Variants in AFF1 observed in about 807,000 individuals in gnomAD.
AFF1 encodes the protein ALF transcription elongation factor 1.
In AFF1, 48 loss-of-function variants were observed where a neutral mutation model predicts 121.7. That is an observed-to-expected ratio of 0.39 (90% CI 0.31 to 0.50). The LOEUF is 0.50. AFF1 is among the 20% of genes least tolerant of loss of function. AFF1 has a pLI of 0.76. For synonymous variants in AFF1, 613 were observed against 563.0 expected (o/e 1.09, Z -1.26); for missense variants, 1,523 against 1,511.7 (o/e 1.01, Z -0.12).
At chr4:86,976,713 A>G (rs867410480) in intron 2 of AFF1, among the ~76,000 whole-genome samples, 1 of 152,188 alleles carries the variant, frequency 6.6e-6, no homozygotes, top group Admixed American at 6.5e-5. Context: ...ACAACATGCA[A>G]TTTACCTGTA....
At chr4:87,014,661 A>G (rs145375501) in intron 2 of AFF1, among the ~76,000 whole-genome samples, 1 of 152,340 alleles carries the variant, frequency 6.6e-6, no homozygotes, top group Non-Finnish European at 1.5e-5. Context: ...TATGTTATAC[A>G]GTGTAATTAA....
Position 87,108,333 on chromosome 4 carries a change from G to T in AFF1, c.1533+18G>T. 6.2e-7 allele frequency: 1 copy of T among 1,609,186 alleles called. No homozygotes were observed. The highest frequency in any genetic ancestry group is 1.1e-5 in the South Asian group (1 of 90,868). ...CTCCGGAGGTACCGTGTTCCCCCTC[G>T]AGATGGCCACCTTAGATGGCAGCAT... On this transcript the variant is annotated intron_variant, in intron 11 of 20. Transcript: ENST00000395146.
rs746833682 is a variant in AFF1, at chr4:87,126,212, C to T, written c.2687C>T (p.Ala896Val). The T allele has an allele frequency of 6.2e-7, 1 of 1,614,132 alleles. No individual in the cohort carries two copies. The highest frequency in any genetic ancestry group is 8.5e-7 in the Non-Finnish European group (1 of 1,180,028). ...GCACTTAAGAGGTCAAGGCGGGAAG[C>T]AGACACCTGTGGCCAGGACCCTCCC... is the stretch of plus-strand genomic sequence containing the variant. Reference protein sequence around the residue: ...KPALKRSRREADTCGQDPPKS... With the variant: ...KPALKRSRREVDTCGQDPPKS... The change falls in exon 14 of 21, where the codon GCA (alanine) becomes GTA (valine). Residue 896 changes from alanine to valine, a missense_variant. Around this residue, in one of 5 missense-constraint regions of AFF1, gnomAD observed 905 missense variants for 842.5 expected, o/e 1.07. Coordinates refer to ENST00000395146, the MANE Select transcript of AFF1 (RefSeq NM_001166693.3).
At chr4:87,064,295 C>A (rs1169776587) in intron 4 of AFF1, among the ~76,000 whole-genome samples, 4 of 152,174 alleles carry the variant, frequency 2.6e-5, no homozygotes, top group Non-Finnish European at 5.9e-5. Flanking sequence ...TTCATGGAAT[C>A]TCTGAAGGTT....
Position 86,969,586 on chromosome 4 carries a change from AAAGGGT to A in AFF1, c.38+21019_38+21024del, listed in dbSNP as rs1246414668. On this transcript the variant is annotated intron_variant, in intron 2 of 20. Transcript: ENST00000395146. Reference sequence around the variant, plus strand: ...GAAATGAAATAGTTGTTAAAAAAAAAAAGGGTAAGATAGGCCCGGCGTGGTGGCTCA... The same window carrying A: ...GAAATGAAATAGTTGTTAAAAAAAAAAAGATAGGCCCGGCGTGGTGGCTCA... Among the ~76,000 whole-genome samples, 6 of 147,260 alleles carry A rather than the reference AAAGGGT, an allele frequency of 4.1e-5. No individual in the cohort carries two copies. The East Asian group carries it at 1.2e-3, about 31-fold the overall frequency.
Position 87,131,796 on chromosome 4 carries a change from C to T in AFF1, c.3105C>T (p.Phe1035=), listed in dbSNP as rs985203868. The change falls in exon 18 of 21, where the codon TTC becomes TTT. Residue 1035 remains phenylalanine, a synonymous_variant. Coordinates refer to ENST00000395146, the MANE Select transcript of AFF1 (RefSeq NM_001166693.3). The part of the protein sequence containing the change: ...VYSETVDLIK[F]IMSLKSFSDA... ...GTACTTTTATATTTTCCTATAGATTCATAATGTCATTAAAATCCTTCTCAG... is the reference window on the plus strand; with the variant it reads ...GTACTTTTATATTTTCCTATAGATTTATAATGTCATTAAAATCCTTCTCAG... The T allele has an allele frequency of 6.3e-7, 1 of 1,594,900 alleles. No homozygotes were observed. The highest frequency in any genetic ancestry group is 1.1e-5 in the South Asian group (1 of 87,022).
chr4:87,021,066 C>T (rs933954010), intron 2 of AFF1, among the ~76,000 whole-genome samples: 3 of 152,228 alleles, frequency 2.0e-5, no homozygotes, highest in Middle Eastern at 3.4e-3. Flanking sequence ...CCTTTGTATG[C>T]GTTTTAATAT....
rs561838438 is a variant in AFF1 at position 87,037,827 on chromosome 4, C to T, written c.39-8339C>T. On this transcript the variant is annotated intron_variant, in intron 2 of 20. Transcript: ENST00000395146. The stretch of plus-strand genomic sequence containing the variant: ...TAAGATATGCAAAATATCTTACTGG[C>T]TCTGAGTCCTGGAGAGTGTTTATGA... Among the ~76,000 whole-genome samples, 6 of 152,150 alleles carry T rather than the reference C, an allele frequency of 3.9e-5. No individual in the cohort carries two copies. The South Asian group carries it at 1.2e-3, about 32-fold the overall frequency.
chr4:87,014,479 C>G (rs918740550), intron 2 of AFF1, among the ~76,000 whole-genome samples: 2 of 152,198 alleles, frequency 1.3e-5, no homozygotes, highest in Non-Finnish European at 2.9e-5. Flanking sequence ...AAATGGAACT[C>G]CTACTGGGAA....
In AFF1 at chr4:87,036,773, G is replaced by A. The variant is rs747083141; in HGVS notation, c.39-9393G>A. The A allele has an allele frequency of 9.8e-6, 5 of 512,660 alleles. No individual in the cohort carries two copies. The Admixed American group carries it at 9.9e-5, about 10-fold the overall frequency. 31.8% of individuals were successfully genotyped at this position (512,660 alleles called of 1,614,324 possible). A position where few individuals can be genotyped will look rare whatever the true frequency, so the allele number is the denominator to read the frequency against. ...AAACATCAGCTACTGGTGTTTGAAT[G>A]TTAGAACATATTCTCTAATATGGCA... On this transcript the variant is annotated intron_variant, in intron 2 of 20. Transcript: ENST00000395146.
chr4:87,005,275 G>A (rs925961570), intron 2 of AFF1, among the ~76,000 whole-genome samples: 1 of 152,178 alleles, frequency 6.6e-6, no homozygotes, highest in African/African-American at 2.4e-5. Flanking sequence ...CACTGCACCT[G>A]GCCTACCCAT....
intron 2 of AFF1, among the ~76,000 whole-genome samples, chr4:86,997,773 A>AT (rs1215146304): frequency 6.6e-6 from 1 of 150,808 alleles, no homozygotes. Context: ...AAAAAAAAAA[A>AT]ATGCATACTT....
chr4:87,025,703 G>A (rs1479270508), intron 2 of AFF1, among the ~76,000 whole-genome samples: 1 of 152,122 alleles, frequency 6.6e-6, no homozygotes, highest in Non-Finnish European at 1.5e-5. Flanking sequence ...TGCTGCTAAC[G>A]TCCTGCAATA....
At chr4:86,983,838 C>T (rs1723986766) in intron 2 of AFF1, among the ~76,000 whole-genome samples, 1 of 152,036 alleles carries the variant, frequency 6.6e-6, no homozygotes, top group Non-Finnish European at 1.5e-5. Flanking sequence ...GAGATCGAGA[C>T]CATCCTGGCC....
At chr4:87,003,234 G>A (rs1253727937) in intron 2 of AFF1, among the ~76,000 whole-genome samples, 1 of 152,012 alleles carries the variant, frequency 6.6e-6, no homozygotes, top group Non-Finnish European at 1.5e-5. Flanking sequence ...ATCTTTGGGG[G>A]TAAATATTTG....
chr4:87,006,913 A>G (rs1359244369), intron 2 of AFF1: 6 of 985,342 alleles, frequency 6.1e-6, no homozygotes, highest in Non-Finnish European at 7.3e-6. Flanking sequence ...CCATTTAAGT[A>G]GGCGGGCCGT....
chr4:86,963,862 T>G, intron 2 of AFF1, among the ~76,000 whole-genome samples: 1 of 151,432 alleles, frequency 6.6e-6, no homozygotes, highest in Non-Finnish European at 1.5e-5. Flanking sequence ...CATTGCACAG[T>G]CACGGTTCAC....
chr4:86,947,175 C>T (rs949249656), intron 1 of AFF1, among the ~76,000 whole-genome samples: 7 of 152,082 alleles, frequency 4.6e-5, no homozygotes, highest in African/African-American at 1.7e-4. Flanking sequence ...GAAAACTTGC[C>T]TAGGGGGCCA....
At chr4:87,088,455 C>T (rs1303996414) in intron 5 of AFF1, among the ~76,000 whole-genome samples, 1 of 152,232 alleles carries the variant, frequency 6.6e-6, no homozygotes, top group African/African-American at 2.4e-5. Context: ...GTGCCATCTC[C>T]AGCTGTTGCA....
Sources: allele counts gnomAD v4.1 joint callset (sites outside exome capture counted in the v4.1 genomes callset), GRCh38; gene constraint gnomAD v4.1.1; regional missense constraint gnomAD v4.1.1; transcripts MANE v1.5; gene names NCBI Gene and HGNC (gene_info 2026-07-23, HGNC 2026-07-21).